Variants in PCDHA3 observed in about 807,000 individuals in gnomAD.
The protein encoded by PCDHA3 is protocadherin alpha 3, also known as protocadherin alpha-3.
Under a neutral mutation model 62.2 loss-of-function variants are expected in PCDHA3, and 41 were observed. The ratio of observed to expected loss-of-function variants is 0.66; its 90% CI spans 0.51 to 0.86. The LOEUF (loss-of-function observed/expected upper bound fraction) is 0.86. PCDHA3 is among the 40% of genes least tolerant of loss of function. The pLI is 0.00. For missense variants in PCDHA3, 1,304 were observed against 1,241.2 expected, an observed-to-expected ratio of 1.05 and a Z score of -0.76; for synonymous variants, 640 against 555.4, an observed-to-expected ratio of 1.15 and a Z score of -2.14.
intron 1 of PCDHA3, chr5:140,851,797 G>A (rs1349130494): frequency 3.1e-6 from 3 of 953,270 alleles, no homozygotes; most frequent in Non-Finnish European, 2.5e-6. Flanking sequence ...CACTTGTTCT[G>A]TCAGTAATCC....
chr5:140,851,463 G>C (rs1194351869), intron 1 of PCDHA3: 1 of 894,166 alleles, frequency 1.1e-6, no homozygotes, highest in Non-Finnish European at 1.4e-6. Flanking sequence ...ATCAAATTAT[G>C]TCAATAAATG....
intron 1 of PCDHA3, chr5:140,862,626 C>A: frequency 1.9e-6 from 1 of 532,422 alleles, no homozygotes; most frequent in South Asian, 1.4e-5. Flanking sequence ...ACCCGCGGGG[C>A]TGCCACGACT....
intron 3 of PCDHA3, among the ~76,000 whole-genome samples, chr5:140,987,991 T>C (rs1243117535): frequency 6.6e-6 from 1 of 152,232 alleles, no homozygotes; most frequent in Non-Finnish European, 1.5e-5. Context: ...ACTCCATCTC[T>C]GATCCTTCCC....
intron 1 of PCDHA3, among the ~76,000 whole-genome samples, chr5:140,973,564 A>T (rs2096593487): frequency 6.6e-6 from 1 of 152,168 alleles, no homozygotes; most frequent in Admixed American, 6.5e-5. Context: ...CTCTTTCCTC[A>T]ATTTTTCTAC....
In PCDHA3 at chr5:140,870,787, C is replaced by T. The variant is rs782200395; in HGVS notation, c.2394+67196C>T. On this transcript the variant is annotated intron_variant, in intron 1 of 3. Transcript: ENST00000522353. ...CGTGCTGGACGAGAACGACAACGCG[C>T]CGGCACTGCTGGCGACTCAGGCTGG... 6.2e-7 allele frequency: 1 copy of T among 1,613,638 alleles called. No homozygotes were observed. Among genetic ancestry groups the T allele is most frequent in the Admixed American group, 1.7e-5 (1 of 60,028 alleles).
chr5:140,803,914 G>A (rs1280757638), intron 1 of PCDHA3: 1 of 500,198 alleles, frequency 2.0e-6, no homozygotes, highest in Non-Finnish European at 3.5e-6. Flanking sequence ...ATCTGACTTC[G>A]ACTTGTTTTA....
chr5:140,823,800 G>A (rs2150129246), intron 1 of PCDHA3: 3 of 1,613,816 alleles, frequency 1.9e-6, no homozygotes, highest in South Asian at 1.1e-5. Flanking sequence ...GCCAGGCGCC[G>A]AAGGCCTCAT....
In PCDHA3 at chr5:140,846,938, C is replaced by A. The variant is rs1187863995; in HGVS notation, c.2394+43347C>A. 2.7e-5 allele frequency among the ~76,000 whole-genome samples: 4 copies of A among 149,452 alleles called. 2 individuals are homozygous for A. The highest frequency in any genetic ancestry group is 6.0e-5 in the Non-Finnish European group (4 of 66,840). On this transcript the variant is annotated intron_variant, in intron 1 of 3. Coordinates refer to ENST00000522353, the MANE Select transcript of PCDHA3 (RefSeq NM_018906.3). ...TCCTATTTGAATTTTTGAAGAAATACTTGAAGGGGCATGGTGTGTTTCAGT... is the reference window on the plus strand; with the variant it reads ...TCCTATTTGAATTTTTGAAGAAATAATTGAAGGGGCATGGTGTGTTTCAGT...
intron 1 of PCDHA3, among the ~76,000 whole-genome samples, chr5:140,925,799 C>G (rs1200619545): frequency 6.6e-6 from 1 of 151,996 alleles, no homozygotes; most frequent in Non-Finnish European, 1.5e-5. Flanking sequence ...CAGTACTTTC[C>G]CCTCCACTTC....
chr5:140,955,889 GT>G (rs1305358742), intron 1 of PCDHA3, among the ~76,000 whole-genome samples: 2 of 151,880 alleles, frequency 1.3e-5, no homozygotes, highest in Non-Finnish European at 2.9e-5. Flanking sequence ...ATTCCTAGGT[GT>G]TTTATTCTCT....
intron 1 of PCDHA3, chr5:140,809,130 T>C (rs1562222868): frequency 6.2e-7 from 1 of 1,614,014 alleles, no homozygotes; most frequent in Non-Finnish European, 8.5e-7. Context: ...CACCGCCTAC[T>C]GGTACTGGTG....
intron 1 of PCDHA3, chr5:140,859,420 CT>C (rs2045858037): frequency 8.6e-6 from 2 of 233,034 alleles, no homozygotes; most frequent in Non-Finnish European, 8.1e-6. Context: ...ATGATATAGA[CT>C]CAGAAATGAA....
At chr5:140,862,971 A>T (rs1581664688) in intron 1 of PCDHA3, 1 of 544,766 alleles carries the variant, frequency 1.8e-6, no homozygotes, top group Non-Finnish European at 3.6e-6. Context: ...GATGCAGGCC[A>T]CTTGGTGGCG....
At chr5:140,883,018 G>T (rs1400637236) in intron 1 of PCDHA3, 2 of 1,613,968 alleles carry the variant, frequency 1.2e-6, no homozygotes, top group East Asian at 2.2e-5. Flanking sequence ...ATAAAGTGAC[G>T]GTGTTAGAGA....
chr5:140,881,099 C>G (rs1554171750), intron 1 of PCDHA3, among the ~76,000 whole-genome samples: 1 of 152,108 alleles, frequency 6.6e-6, no homozygotes, highest in East Asian at 1.9e-4. Flanking sequence ...TTCATTACAC[C>G]ATTTGGCCTG....
chr5:140,928,994 T>C, intron 1 of PCDHA3: 1 of 1,613,992 alleles, frequency 6.2e-7, no homozygotes. Context: ...TGCTTACTTT[T>C]CTTCGTGTGT....
At chr5:140,920,093 T>C (rs1289681170) in intron 1 of PCDHA3, among the ~76,000 whole-genome samples, 1 of 152,176 alleles carries the variant, frequency 6.6e-6, no homozygotes, top group African/African-American at 2.4e-5. Flanking sequence ...GTAGAGCCTC[T>C]AAAGGGAGTG....
intron 1 of PCDHA3, chr5:140,863,004 GC>G (rs781788283): frequency 1.8e-6 from 1 of 551,012 alleles, no homozygotes; most frequent in Non-Finnish European, 3.6e-6. Context: ...GTGGACTCCA[GC>G]TATGACGCCT....
At chr5:140,870,154 G>A (rs1243170344) in intron 1 of PCDHA3, 2 of 1,614,130 alleles carry the variant, frequency 1.2e-6, no homozygotes, top group Non-Finnish European at 8.5e-7. Context: ...TGAAGTCGCC[G>A]TGACTTCCTT....
Sources: allele counts gnomAD v4.1 joint callset (sites outside exome capture counted in the v4.1 genomes callset), GRCh38; gene constraint gnomAD v4.1.1; transcripts MANE v1.5; gene names NCBI Gene and HGNC (gene_info 2026-07-23, HGNC 2026-07-21).